The following LINGO2 variants were observed in gnomAD, a reference collection of about 807,000 sequenced individuals.
The protein encoded by LINGO2 is leucine rich repeat and Ig domain containing 2, also known as leucine-rich repeat and immunoglobulin-like domain-containing nogo receptor-interacting protein 2.
In LINGO2, 14 loss-of-function variants were observed where a neutral mutation model predicts 30.6. That is an observed-to-expected ratio of 0.46 (90% CI 0.30 to 0.72). The LOEUF is 0.72. Ranked by LOEUF, LINGO2 falls within the 30% of genes least tolerant of loss-of-function variation. The pLI, the probability that LINGO2 is intolerant of heterozygous loss-of-function variation, is 0.07. For synonymous variants in LINGO2, 317 were observed against 288.5 expected, an observed-to-expected ratio of 1.10 and a Z score of -1.00; for missense variants, 729 against 751.7, an observed-to-expected ratio of 0.97 and a Z score of 0.35.
At chr9:28,499,007 T>G (rs552511721) in intron 1 of LINGO2, among the ~76,000 whole-genome samples, 2 of 152,236 alleles carry the variant, frequency 1.3e-5, no homozygotes, top group South Asian at 2.1e-4. Context: ...GAAAGCAAAC[T>G]TATGGGGATG....
intron 1 of LINGO2, among the ~76,000 whole-genome samples, chr9:28,666,028 A>T (rs1828787368): frequency 6.6e-6 from 1 of 151,268 alleles, no homozygotes; most frequent in South Asian, 2.1e-4. Context: ...AGTAGCTGGG[A>T]TTACACACAT....
At chr9:28,224,579 C>G (rs1050431456) in intron 4 of LINGO2, among the ~76,000 whole-genome samples, 1 of 152,254 alleles carries the variant, frequency 6.6e-6, no homozygotes, top group East Asian at 1.9e-4. Context: ...TGAAGTCACC[C>G]TACTGAGCTA....
chr9:28,869,802 C>T, the LINGO2 span, among the ~76,000 whole-genome samples: 37,881 of 151,736 alleles, frequency 0.25, 4,963 homozygotes, highest in East Asian at 0.38. Flanking sequence ...CACTGTTGCA[C>T]CTACTACAAA....
At chr9:28,278,848 T>C (rs1414098490) in intron 4 of LINGO2, among the ~76,000 whole-genome samples, 1 of 152,188 alleles carries the variant, frequency 6.6e-6, no homozygotes, top group Non-Finnish European at 1.5e-5. Context: ...TATAGCTCCA[T>C]AGATAGTGAT....
At chr9:28,212,829 A>C (rs567137940) in intron 4 of LINGO2, among the ~76,000 whole-genome samples, 1 of 151,642 alleles carries the variant, frequency 6.6e-6, no homozygotes, top group East Asian at 1.9e-4. Flanking sequence ...ATCATTGCAG[A>C]AAGTTTTACT....
chr9:28,036,890 G>A (rs1281132020), intron 4 of LINGO2, among the ~76,000 whole-genome samples: 1 of 152,102 alleles, frequency 6.6e-6, no homozygotes, highest in African/African-American at 2.4e-5. Context: ...CTCAACAAAA[G>A]GTCTGAAAGT....
At chr9:29,142,747 TC>T in the LINGO2 span, among the ~76,000 whole-genome samples, 1 of 151,896 alleles carries the variant, frequency 6.6e-6, no homozygotes, top group Non-Finnish European at 1.5e-5. Context: ...GGCAAGAATG[TC>T]CCCTCACCAT....
the LINGO2 span, among the ~76,000 whole-genome samples, chr9:29,058,102 T>C: frequency 6.6e-6 from 1 of 151,980 alleles, no homozygotes; most frequent in African/African-American, 2.4e-5. Context: ...ATGTAACCTA[T>C]AGCAAGGAGA....
At chr9:28,139,208 C>A (rs72726903) in intron 4 of LINGO2, among the ~76,000 whole-genome samples, 11,475 of 152,172 alleles carry the variant, frequency 0.075, 587 homozygotes, top group Middle Eastern at 0.13. Context: ...TCAGTTATTA[C>A]TAAAAAAGTC....
chr9:28,593,796 G>A (rs2135716637), intron 1 of LINGO2, among the ~76,000 whole-genome samples: 1 of 152,154 alleles, frequency 6.6e-6, no homozygotes, highest in East Asian at 1.9e-4. Context: ...GCTGCAACTT[G>A]AATTCCCAAC....
At chr9:28,781,153 G>C in the LINGO2 span, among the ~76,000 whole-genome samples, 1 of 151,970 alleles carries the variant, frequency 6.6e-6, no homozygotes, top group African/African-American at 2.4e-5. Flanking sequence ...TTATGTAATA[G>C]GCAGAGTTAG....
the LINGO2 span, among the ~76,000 whole-genome samples, chr9:28,939,316 T>G: frequency 1.4e-4 from 21 of 152,324 alleles, no homozygotes; most frequent in Middle Eastern, 3.4e-3. Context: ...CATTGCTCAC[T>G]AACTGGCTTC....
At chr9:29,045,003 C>T in the LINGO2 span, among the ~76,000 whole-genome samples, 1 of 152,112 alleles carries the variant, frequency 6.6e-6, no homozygotes, top group East Asian at 1.9e-4. Flanking sequence ...GTACTATATT[C>T]ATCCTTCTTC....
At chr9:28,685,900 A>C in the LINGO2 span, among the ~76,000 whole-genome samples, 1 of 151,994 alleles carries the variant, frequency 6.6e-6, no homozygotes, top group East Asian at 1.9e-4. Flanking sequence ...TTGTACTAAA[A>C]GTCATAACTA....
At chr9:28,535,956 C>G (rs1487900020) in intron 1 of LINGO2, among the ~76,000 whole-genome samples, 1 of 152,122 alleles carries the variant, frequency 6.6e-6, no homozygotes, top group Non-Finnish European at 1.5e-5. Flanking sequence ...AGAGCTGGAC[C>G]TGAGATTCCA....
At chr9:29,166,816 T>C in the LINGO2 span, among the ~76,000 whole-genome samples, 1 of 152,104 alleles carries the variant, frequency 6.6e-6, no homozygotes, top group Non-Finnish European at 1.5e-5. Flanking sequence ...AAATCATTTA[T>C]AAACTTGTCA....
At chr9:28,745,989 G>C in the LINGO2 span, among the ~76,000 whole-genome samples, 1 of 151,924 alleles carries the variant, frequency 6.6e-6, no homozygotes, top group African/African-American at 2.4e-5. Context: ...TCAAATATAA[G>C]ATAAAAATAC....
At chr9:27,995,779 T>C (rs938903532) in intron 5 of LINGO2, among the ~76,000 whole-genome samples, 4 of 152,044 alleles carry the variant, frequency 2.6e-5, no homozygotes, top group Non-Finnish European at 5.9e-5. Context: ...TGGGGCAAAA[T>C]TGAAAGCCTT....
intron 3 of LINGO2, among the ~76,000 whole-genome samples, chr9:28,328,405 A>G (rs1825304636): frequency 6.6e-6 from 1 of 152,200 alleles, no homozygotes; most frequent in Non-Finnish European, 1.5e-5. Flanking sequence ...TGAATAGCAG[A>G]AGAAATATGT....
Sources: gnomAD v4.1 joint callset for allele counts (sites outside exome capture counted in the v4.1 genomes callset) on GRCh38, gnomAD v4.1.1 for gene constraint, MANE v1.5 for transcripts, NCBI Gene and HGNC (gene_info 2026-07-23, HGNC 2026-07-21) for gene names.